Variants in SYT14 observed in about 807,000 individuals in gnomAD.
SYT14 encodes synaptotagmin 14.
In SYT14, 32 loss-of-function variants were observed where a neutral mutation model predicts 74.2. The ratio of observed to expected loss-of-function variants is 0.43; its 90% confidence interval spans 0.33 to 0.58. The LOEUF is 0.58. Among genes scored for constraint, SYT14 ranks in the 20% least tolerant of loss-of-function variants. The probability of loss-of-function intolerance (pLI) is 0.05; values close to 1 mark genes in which losing one functional copy is unlikely to be tolerated. For missense variants in SYT14, 791 were observed against 981.8 expected, an observed-to-expected ratio of 0.81 and a Z score of 2.60; for synonymous variants, 298 against 337.7, an observed-to-expected ratio of 0.88 and a Z score of 1.29.
chr1:210,126,998 G>T (rs1449274211), intron 7 of SYT14, among the ~76,000 whole-genome samples: 1 of 152,178 alleles, frequency 6.6e-6, no homozygotes, highest in Non-Finnish European at 1.5e-5. Flanking sequence ...AGTGGATGGG[G>T]TTCTATGGCT....
At chr1:210,163,982 C>T (rs1347417447) in exon 10 of SYT14, 1 of 452,700 alleles carries the variant, frequency 2.2e-6, no homozygotes, top group Non-Finnish European at 4.4e-6. Flanking sequence ...TGATATAGTC[C>T]AAATATGGCA....
intron 6 of SYT14, among the ~76,000 whole-genome samples, chr1:210,097,931 C>T (rs779247556): frequency 1.3e-5 from 2 of 152,100 alleles, no homozygotes; most frequent in Non-Finnish European, 2.9e-5. Context: ...AATCCCAGCA[C>T]TTTGGGAAGC....
At chr1:209,966,166 G>A (rs1367818954) in intron 2 of SYT14, among the ~76,000 whole-genome samples, 2 of 152,094 alleles carry the variant, frequency 1.3e-5, no homozygotes, top group East Asian at 1.9e-4. Context: ...CACCGCGCCC[G>A]TTCTATTTTT....
chr1:210,153,564 AT>A (rs1224826245), intron 7 of SYT14, among the ~76,000 whole-genome samples: 3 of 151,974 alleles, frequency 2.0e-5, no homozygotes, highest in Non-Finnish European at 4.4e-5. Flanking sequence ...AATAAATTTT[AT>A]TTTCTGTTTG....
At chr1:210,078,295 G>A (rs1186138775) in intron 5 of SYT14, among the ~76,000 whole-genome samples, 4 of 106,250 alleles carry the variant, frequency 3.8e-5, no homozygotes, top group African/African-American at 1.6e-4. Context: ...GGGCGACAGA[G>A]CGAGACTCCG....
At chr1:209,961,449 A>G (rs1433193614) in intron 2 of SYT14, among the ~76,000 whole-genome samples, 2 of 152,134 alleles carry the variant, frequency 1.3e-5, no homozygotes, top group African/African-American at 4.8e-5. Flanking sequence ...TGATTATGAA[A>G]TAAGGAGATA....
At chr1:209,969,352 A>T (rs1396731035) in intron 2 of SYT14, among the ~76,000 whole-genome samples, 2 of 152,104 alleles carry the variant, frequency 1.3e-5, no homozygotes, top group Non-Finnish European at 2.9e-5. Flanking sequence ...ACTAATTTAC[A>T]TTACCATCCA....
At chr1:209,940,535 A>C (rs1021496254) in intron 1 of SYT14, among the ~76,000 whole-genome samples, 1 of 152,164 alleles carries the variant, frequency 6.6e-6, no homozygotes, top group African/African-American at 2.4e-5. Context: ...TAAGAGATGG[A>C]TCATCTTTCC....
chr1:209,987,030 G>C (rs2079583143), intron 2 of SYT14, among the ~76,000 whole-genome samples: 1 of 152,196 alleles, frequency 6.6e-6, no homozygotes, highest in Admixed American at 6.5e-5. Flanking sequence ...AGTTCCCAGT[G>C]TGTTTGTCAT....
At chr1:209,959,020 T>TA (rs1572068450) in intron 2 of SYT14, among the ~76,000 whole-genome samples, 1 of 151,902 alleles carries the variant, frequency 6.6e-6, no homozygotes, top group South Asian at 2.1e-4. Flanking sequence ...TAAAAAAAAA[T>TA]AGAGTTACCA....
intron 7 of SYT14, among the ~76,000 whole-genome samples, chr1:210,107,757 T>G (rs1418363630): frequency 6.6e-6 from 1 of 152,224 alleles, no homozygotes; most frequent in Non-Finnish European, 1.5e-5. Context: ...TAGCTATAGT[T>G]TGATCCTATT....
intron 5 of SYT14, among the ~76,000 whole-genome samples, chr1:210,092,334 A>G (rs2081883865): frequency 1.3e-5 from 2 of 152,166 alleles, no homozygotes; most frequent in Admixed American, 6.5e-5. Context: ...TACTCCTCCA[A>G]GAGGGAAGCA....
chr1:209,965,377 C>T (rs955267830), intron 2 of SYT14, among the ~76,000 whole-genome samples: 8 of 152,096 alleles, frequency 5.3e-5, no homozygotes, highest in African/African-American at 1.7e-4. Flanking sequence ...TATATTGTTG[C>T]GAAGGACATG....
intron 5 of SYT14, among the ~76,000 whole-genome samples, chr1:210,025,684 T>C (rs1572176813): frequency 6.6e-6 from 1 of 152,224 alleles, no homozygotes; most frequent in Non-Finnish European, 1.5e-5. Context: ...AGAGAACTTT[T>C]ACCAGGTAGC....
At chr1:209,945,270 T>G (rs1443156723) in intron 1 of SYT14, among the ~76,000 whole-genome samples, 1 of 152,198 alleles carries the variant, frequency 6.6e-6, no homozygotes, top group Non-Finnish European at 1.5e-5. Context: ...CAAGCACAGG[T>G]TTGCAAAGAC....
intron 2 of SYT14, among the ~76,000 whole-genome samples, chr1:210,004,957 C>G (rs1392160464): frequency 6.6e-6 from 1 of 151,938 alleles, no homozygotes; most frequent in East Asian, 1.9e-4. Context: ...GTAGAACATT[C>G]CAGTTGCTAT....
chr1:209,987,160 T>A (rs936214655), intron 2 of SYT14, among the ~76,000 whole-genome samples: 1 of 152,182 alleles, frequency 6.6e-6, no homozygotes, highest in Non-Finnish European at 1.5e-5. Context: ...CCTGTCTTCT[T>A]CTGAGCCCTC....
intron 5 of SYT14, among the ~76,000 whole-genome samples, chr1:210,059,445 T>TAGAGAGAGAGAG (rs1391983771): frequency 7.9e-4 from 76 of 96,766 alleles, no homozygotes; most frequent in Non-Finnish European, 9.2e-4. Flanking sequence ...TATATATATA[T>TAGAGAGAGAGAG]ATATATAGAG....
At chr1:209,977,680 A>T (rs1003475842) in intron 2 of SYT14, among the ~76,000 whole-genome samples, 12 of 152,202 alleles carry the variant, frequency 7.9e-5, no homozygotes, top group Admixed American at 2.0e-4. Context: ...GACAATTATG[A>T]GTCTTGGAGT....
Sources: allele counts gnomAD v4.1 joint callset (sites outside exome capture counted in the v4.1 genomes callset), GRCh38; gene constraint gnomAD v4.1.1; transcripts MANE v1.5; gene names NCBI Gene and HGNC (gene_info 2026-07-23, HGNC 2026-07-21).